SEC14L1: variants seen among roughly 807,000 people sequenced by gnomAD.
SEC14L1 encodes SEC14 like lipid binding 1.
In SEC14L1, 48 loss-of-function variants were observed where a neutral mutation model predicts 85.3. The ratio of observed to expected loss-of-function variants is 0.56; its 90% CI spans 0.45 to 0.72. SEC14L1 has a LOEUF of 0.72. SEC14L1 is among the 30% of genes least tolerant of loss of function. The pLI, the probability that SEC14L1 is intolerant of heterozygous loss-of-function variation, is 0.00. For missense variants in SEC14L1, 682 were observed against 921.4 expected (o/e 0.74, Z 3.36); for synonymous variants, 391 against 355.5 (o/e 1.10, Z -1.12).
At chr17:77,172,291 G>T (rs1398534953) in intron 3 of SEC14L1, among the ~76,000 whole-genome samples, 1 of 152,110 alleles carries the variant, frequency 6.6e-6, no homozygotes, top group Non-Finnish European at 1.5e-5. Flanking sequence ...TTCCTCCAAG[G>T]TCATGAGTAG....
At chr17:77,185,647 CA>C (rs1191834504) in intron 3 of SEC14L1, among the ~76,000 whole-genome samples, 1 of 152,122 alleles carries the variant, frequency 6.6e-6, no homozygotes, top group Non-Finnish European at 1.5e-5. Context: ...TTGTAAGTCT[CA>C]ATTTCTTGGT....
chr17:77,139,674 T>C (rs1295267904), upstream of SEC14L1, among the ~76,000 whole-genome samples: 3 of 151,800 alleles, frequency 2.0e-5, no homozygotes, highest in African/African-American at 7.3e-5. Flanking sequence ...ATCTGTTGTA[T>C]TTTTAGTAGA....
chr17:77,145,597 C>T (rs1176259966), intron 3 of SEC14L1, among the ~76,000 whole-genome samples: 5 of 152,188 alleles, frequency 3.3e-5, no homozygotes, highest in African/African-American at 1.2e-4. Context: ...CCATGTTTGC[C>T]ATTTGCATGT....
intron 1 of SEC14L1, chr17:77,141,416 A>G (rs1973035874): frequency 7.0e-6 from 1 of 143,548 alleles, no homozygotes; most frequent in South Asian, 2.2e-4. Context: ...TCGGGTCCGG[A>G]GCCAGTGCCC....
intron 3 of SEC14L1, among the ~76,000 whole-genome samples, chr17:77,102,802 C>T (rs765574530): frequency 2.8e-4 from 42 of 152,064 alleles, no homozygotes; most frequent in Non-Finnish European, 5.7e-4. Context: ...CCATGTCTGG[C>T]CTTTTTTGTT....
chr17:77,191,073 G>A, intron 4 of SEC14L1, 108 bp from the exon 5 acceptor site: 1 of 1,517,374 alleles, frequency 6.6e-7, no homozygotes, highest in Non-Finnish European at 9.0e-7. Context: ...CCTGGAGGGA[G>A]AGGGCGTCCT....
intron 3 of SEC14L1, among the ~76,000 whole-genome samples, chr17:77,125,262 G>C (rs1373384815): frequency 6.6e-6 from 1 of 151,986 alleles, no homozygotes; most frequent in African/African-American, 2.4e-5. Context: ...CTCCCAAAGT[G>C]CTGGGATTAC....
chr17:77,102,794 A>G (rs866448975), intron 3 of SEC14L1, among the ~76,000 whole-genome samples: 8 of 151,942 alleles, frequency 5.3e-5, no homozygotes, highest in Non-Finnish European at 7.4e-5. Flanking sequence ...ATAAGCCACC[A>G]TGTCTGGCCT....
intron 2 of SEC14L1, among the ~76,000 whole-genome samples, chr17:77,092,968 A>G (rs981161248): frequency 1.8e-4 from 28 of 151,664 alleles, no homozygotes; most frequent in African/African-American, 6.5e-4. Context: ...AAAAAAAAAA[A>G]AAAAAGAAAG....
intron 3 of SEC14L1, among the ~76,000 whole-genome samples, chr17:77,182,836 C>T (rs1216374394): frequency 6.6e-6 from 1 of 152,172 alleles, no homozygotes; most frequent in Non-Finnish European, 1.5e-5. Context: ...GTGGCTCAAA[C>T]GGGGTTTTAA....
chr17:77,183,308 C>G (rs926022475), intron 3 of SEC14L1, among the ~76,000 whole-genome samples: 2 of 152,240 alleles, frequency 1.3e-5, no homozygotes, highest in African/African-American at 4.8e-5. Context: ...GTATGCATGT[C>G]CGCTAGGTAA....
At chr17:77,171,293 T>G (rs931803055) in intron 3 of SEC14L1, among the ~76,000 whole-genome samples, 1 of 152,222 alleles carries the variant, frequency 6.6e-6, no homozygotes, top group African/African-American at 2.4e-5. Context: ...CCCTCTCATC[T>G]GGTAATATTC....
chr17:77,214,680 A>G lies in SEC14L1; in HGVS notation c.*657A>G, dbSNP rs970712945. On this transcript the variant is annotated 3_prime_UTR_variant, in exon 17 of 17. Transcript: ENST00000436233. ...CAGGGACTCCTGGTGACTCCAGGAAAATGCTGCCATCGTTAAACATTACTT... is the reference window on the plus strand; with the variant it reads ...CAGGGACTCCTGGTGACTCCAGGAAGATGCTGCCATCGTTAAACATTACTT... The G allele has an allele frequency of 1.5e-5, 15 of 985,440 alleles. No individual in the cohort carries two copies. Among genetic ancestry groups the G allele is most frequent in the Non-Finnish European group, 1.8e-5 (15 of 830,016 alleles). 61.0% of individuals were successfully genotyped at this position (985,440 alleles called of 1,614,324 possible).
chr17:77,092,662 G>A (rs1971544686), intron 2 of SEC14L1, among the ~76,000 whole-genome samples: 1 of 152,006 alleles, frequency 6.6e-6, no homozygotes, highest in South Asian at 2.1e-4. Context: ...AGAAAGATGG[G>A]TTAGAGCCGG....
At position 77,207,077 on chromosome 17, in the gene SEC14L1, G is replaced by A. The variant is rs1173432110; in HGVS notation, c.1476+215G>A. On this transcript the variant is annotated intron_variant, in intron 13 of 16. Coordinates refer to ENST00000436233, the MANE Select transcript of SEC14L1 (RefSeq NM_001143998.2). ...TGTACATTTCTTCATTGTTAAATAC[G>A]AATGAGAATTCGTAGAATCAAATAC... Among the ~76,000 whole-genome samples, 9 of 152,276 alleles carry A rather than the reference G, an allele frequency of 5.9e-5. No individual in the cohort carries two copies. The South Asian group carries it at 1.7e-3, about 28-fold the overall frequency.
intron 5 of SEC14L1, 120 bp from the exon 6 acceptor site, chr17:77,193,301 T>C (rs1975633727): frequency 4.4e-6 from 4 of 912,762 alleles, no homozygotes; most frequent in African/African-American, 1.7e-5. Flanking sequence ...GCTGTCTTTA[T>C]GGTAGTAGCA....
intron 9 of SEC14L1, among the ~76,000 whole-genome samples, chr17:77,201,173 T>C (rs562915341): frequency 6.6e-6 from 1 of 152,094 alleles, no homozygotes; most frequent in African/African-American, 2.4e-5. Context: ...TGAAGAGTGG[T>C]TTAAATGAGA....
intron 3 of SEC14L1, among the ~76,000 whole-genome samples, chr17:77,189,664 T>TGTC (rs1975429896): frequency 6.6e-6 from 1 of 152,252 alleles, no homozygotes; most frequent in Non-Finnish European, 1.5e-5. Context: ...AATCTCACTC[T>TGTC]GTCGCCCAGG....
Position 77,196,255 on chromosome 17 carries a change from C to T in SEC14L1, c.763C>T (p.Gln255Ter). The T allele has an allele frequency of 1.2e-6, 2 of 1,614,166 alleles. No homozygotes were observed. Among genetic ancestry groups the T allele is most frequent in the East Asian group, 2.2e-5 (1 of 44,882 alleles). Reference protein sequence around the residue: ...KRYLGDLTPLQESCLIRLRQW... With the variant: ...KRYLGDLTPL ...ATACCTGGGCGATTTGACTCCGCTGCAGGAGAGCTGCCTCATTAGACTTCG... is the reference window on the plus strand; with the variant it reads ...ATACCTGGGCGATTTGACTCCGCTGTAGGAGAGCTGCCTCATTAGACTTCG... Residue 255 changes from glutamine to a stop codon, truncating the protein, a stop_gained, in exon 8 of 17, where the codon CAG becomes TAG. Transcript: ENST00000436233. LOFTEE classifies it high-confidence loss of function.
Sources: allele counts gnomAD v4.1 joint callset (sites outside exome capture counted in the v4.1 genomes callset), GRCh38; gene constraint gnomAD v4.1.1; transcripts MANE v1.5; gene names NCBI Gene and HGNC (gene_info 2026-07-23, HGNC 2026-07-21).